Variants in CENPK observed in about 807,000 individuals in gnomAD.
The protein encoded by CENPK is SoxLZ/Sox6-binding protein Solt.
A neutral mutation model predicts 40.9 loss-of-function variants in CENPK; 46 were observed. The observed-to-expected ratio is 1.13, with a 90% confidence interval of 0.89 to 1.44. The LOEUF (loss-of-function observed/expected upper bound fraction) is 1.44, where lower values mean the gene tolerates loss of function less well. CENPK is among the 40% of genes most tolerant of loss of function. The probability of loss-of-function intolerance (pLI) is 0.00; values close to 1 mark genes in which losing one functional copy is unlikely to be tolerated. For missense variants in CENPK, 288 were observed against 303.5 expected, an observed-to-expected ratio of 0.95 and a Z score of 0.38; for synonymous variants, 107 against 104.4, an observed-to-expected ratio of 1.02 and a Z score of -0.15.
downstream of CENPK, among the ~76,000 whole-genome samples, chr5:65,515,828 T>TA (rs569658724): frequency 2.6e-3 from 401 of 152,346 alleles, 2 homozygotes; most frequent in African/African-American, 9.0e-3. Flanking sequence ...TTTCATATGT[T>TA]AGTCTATCTA....
chr5:65,516,616 T>G (rs1370238704), downstream of CENPK, among the ~76,000 whole-genome samples: 1 of 152,096 alleles, frequency 6.6e-6, no homozygotes, highest in African/African-American at 2.4e-5. Context: ...ATAGGAAATA[T>G]CAAACGAAAT....
intron 5 of CENPK, among the ~76,000 whole-genome samples, chr5:65,550,040 C>T (rs1406393318): frequency 1.3e-5 from 2 of 151,918 alleles, no homozygotes; most frequent in Non-Finnish European, 2.9e-5. Context: ...TGGTAGCATG[C>T]ACCTGCAATC....
rs1340299966 is a variant in CENPK at position 65,517,913 on chromosome 5, A to T, written c.*562T>A. On this transcript the variant is annotated 3_prime_UTR_variant, in exon 11 of 11. Coordinates refer to ENST00000396679, the MANE Select transcript of CENPK (RefSeq NM_022145.5). The stretch of plus-strand genomic sequence containing the variant: ...TGATATATTAATAATACAAACTAAA[A>T]TATCAATTTTATGCTAGCTTTATCC... 6.6e-6 allele frequency: 1 copy of T among 152,098 alleles called. No individual in the cohort carries two copies. Among genetic ancestry groups the T allele is most frequent in the Non-Finnish European group, 1.5e-5 (1 of 67,964 alleles). 9.4% of individuals were successfully genotyped at this position (152,098 alleles called of 1,614,324 possible).
chr5:65,516,983 C>T (rs774717172), downstream of CENPK, among the ~76,000 whole-genome samples: 13 of 151,952 alleles, frequency 8.6e-5, no homozygotes, highest in Admixed American at 3.9e-4. Flanking sequence ...TTGCTCGTCA[C>T]CCAGGCTGGA....
chr5:65,557,949 G>A (rs946760263), intron 2 of CENPK, among the ~76,000 whole-genome samples: 5 of 152,112 alleles, frequency 3.3e-5, no homozygotes, highest in Non-Finnish European at 7.4e-5. Flanking sequence ...TTTCAAGAAC[G>A]TTTTCTCTAG....
At chr5:65,541,961 A>G (rs1581016617) in intron 6 of CENPK, among the ~76,000 whole-genome samples, 1 of 152,194 alleles carries the variant, frequency 6.6e-6, no homozygotes, top group South Asian at 2.1e-4. Flanking sequence ...TCCAAGATTC[A>G]ATGTCTACTG....
At chr5:65,507,003 T>G in the CENPK span, among the ~76,000 whole-genome samples, 1 of 152,170 alleles carries the variant, frequency 6.6e-6, no homozygotes, top group Non-Finnish European at 1.5e-5. Flanking sequence ...GAAGGAAAAT[T>G]TATTATCTTA....
intron 6 of CENPK, among the ~76,000 whole-genome samples, chr5:65,540,450 T>C (rs546809107): frequency 6.6e-6 from 1 of 152,284 alleles, no homozygotes; most frequent in South Asian, 2.1e-4. Flanking sequence ...TCTTTTCATA[T>C]GCATGAGTTG....
At chr5:65,549,039 T>G (rs999737102) in intron 5 of CENPK, among the ~76,000 whole-genome samples, 38 of 152,332 alleles carry the variant, frequency 2.5e-4, no homozygotes, top group Admixed American at 1.3e-3. Context: ...GCTATAGCCT[T>G]ACGAAGTGTA....
intron 5 of CENPK, among the ~76,000 whole-genome samples, chr5:65,547,067 A>G (rs1274715849): frequency 6.6e-6 from 1 of 152,162 alleles, no homozygotes; most frequent in African/African-American, 2.4e-5. Context: ...ATGCTGGTAT[A>G]GCTTATAGGG....
the CENPK span, among the ~76,000 whole-genome samples, chr5:65,507,834 T>C: frequency 6.6e-6 from 1 of 152,208 alleles, no homozygotes; most frequent in South Asian, 2.1e-4. Flanking sequence ...TTAATTCTTT[T>C]TAGTCTCCTC....
chr5:65,557,738 TAATA>T (rs1561700345), intron 2 of CENPK, among the ~76,000 whole-genome samples: 1 of 152,340 alleles, frequency 6.6e-6, no homozygotes, highest in East Asian at 1.9e-4. Context: ...CTCATGAGCG[TAATA>T]AATAGTTGTT....
intron 6 of CENPK, chr5:65,541,306 G>T: frequency 2.3e-6 from 1 of 437,352 alleles, no homozygotes; most frequent in Non-Finnish European, 4.7e-6. Flanking sequence ...TCTGAAACCG[G>T]GGTCAGGCAT....
intron 1 of CENPK, among the ~76,000 whole-genome samples, chr5:65,562,493 T>G (rs1246891759): frequency 1.3e-5 from 2 of 152,152 alleles, no homozygotes; most frequent in African/African-American, 4.8e-5. Context: ...GACGAGGATT[T>G]TATTAGGTTG....
chr5:65,499,651 C>CTTT, the CENPK span, among the ~76,000 whole-genome samples: 384 of 125,744 alleles, frequency 3.1e-3, 3 homozygotes, highest in African/African-American at 9.6e-3. Flanking sequence ...AATATTAGAT[C>CTTT]TTTTTTTTTT....
intron 2 of CENPK, among the ~76,000 whole-genome samples, chr5:65,557,681 G>A (rs1242303693): frequency 6.6e-6 from 1 of 152,232 alleles, no homozygotes; most frequent in Non-Finnish European, 1.5e-5. Context: ...CTGTGGAACA[G>A]AGAAGCTGCT....
At chr5:65,534,515 GAACA>G (rs1355440841) in intron 6 of CENPK, among the ~76,000 whole-genome samples, 1 of 151,840 alleles carries the variant, frequency 6.6e-6, no homozygotes, top group East Asian at 1.9e-4. Flanking sequence ...CAGAAACACA[GAACA>G]AAAAAACAGA....
At chr5:65,523,468 A>G (rs1744134199) in intron 9 of CENPK, among the ~76,000 whole-genome samples, 1 of 123,666 alleles carries the variant, frequency 8.1e-6, no homozygotes. Flanking sequence ...TATTAAACAA[A>G]TAGTAAAATA....
the CENPK span, among the ~76,000 whole-genome samples, chr5:65,497,970 T>C: frequency 6.6e-6 from 1 of 152,200 alleles, no homozygotes; most frequent in Non-Finnish European, 1.5e-5. Flanking sequence ...GTAACATCTG[T>C]CAAAATAAAA....
Sources: gnomAD v4.1 joint callset for allele counts (sites outside exome capture counted in the v4.1 genomes callset) on GRCh38, gnomAD v4.1.1 for gene constraint, MANE v1.5 for transcripts, NCBI Gene and HGNC (gene_info 2026-07-23, HGNC 2026-07-21) for gene names.